FHIT: variants seen among roughly 807,000 people sequenced by gnomAD.
The protein encoded by FHIT is bis(5'-adenosyl)-triphosphatase.
A neutral mutation model predicts 17.9 loss-of-function variants in FHIT; 19 were observed. That is an observed-to-expected ratio of 1.06 (90% confidence interval 0.74 to 1.56). The LOEUF (loss-of-function observed/expected upper bound fraction) is 1.56. Among genes scored for constraint, FHIT ranks in the 40% most tolerant of loss-of-function variants. The pLI, the probability that FHIT is intolerant of heterozygous loss-of-function variation, is 0.00. For synonymous variants in FHIT, 81 were observed against 69.7 expected (o/e 1.16, Z -0.81); for missense variants, 248 against 189.2 (o/e 1.31, Z -1.82).
At chr3:60,070,853 T>A (rs1702737688) in intron 5 of FHIT, among the ~76,000 whole-genome samples, 1 of 152,236 alleles carries the variant, frequency 6.6e-6, no homozygotes, top group Non-Finnish European at 1.5e-5. Context: ...ATGGCATTTG[T>A]CTTACCTTTA....
intron 5 of FHIT, among the ~76,000 whole-genome samples, chr3:60,429,343 G>A (rs1702790936): frequency 1.3e-5 from 2 of 151,984 alleles, no homozygotes; most frequent in African/African-American, 4.8e-5. Context: ...ATTTGAGTAA[G>A]ACATTAAAAA....
At chr3:59,867,934 T>A (rs1239087738) in intron 8 of FHIT, among the ~76,000 whole-genome samples, 1 of 151,194 alleles carries the variant, frequency 6.6e-6, no homozygotes, top group East Asian at 2.0e-4. Flanking sequence ...CGGACCAAGG[T>A]TATACACAGA....
At chr3:60,374,863 C>T (rs1413803880) in intron 5 of FHIT, among the ~76,000 whole-genome samples, 4 of 151,708 alleles carry the variant, frequency 2.6e-5, no homozygotes, top group Non-Finnish European at 5.9e-5. Flanking sequence ...CTGAACCAGC[C>T]CTTGCAGTTT....
chr3:60,983,099 T>C (rs1160366763), intron 3 of FHIT, among the ~76,000 whole-genome samples: 1 of 151,832 alleles, frequency 6.6e-6, no homozygotes, highest in East Asian at 1.9e-4. Context: ...TAACCTCTGA[T>C]GGCTCCTTTT....
At chr3:61,132,480 A>G (rs1014489386) in intron 2 of FHIT, among the ~76,000 whole-genome samples, 4 of 152,246 alleles carry the variant, frequency 2.6e-5, no homozygotes, top group Non-Finnish European at 5.9e-5. Flanking sequence ...CTAAGTTAAT[A>G]TAAGGCAAAT....
chr3:60,974,437 A>G (rs1291773492), intron 3 of FHIT, among the ~76,000 whole-genome samples: 1 of 152,128 alleles, frequency 6.6e-6, no homozygotes, highest in East Asian at 1.9e-4. Flanking sequence ...CTGGAAAGAG[A>G]ATTGCTGCTG....
At chr3:60,950,353 T>C (rs1708823400) in intron 3 of FHIT, among the ~76,000 whole-genome samples, 2 of 152,230 alleles carry the variant, frequency 1.3e-5, no homozygotes, top group Admixed American at 6.5e-5. Context: ...TTGTATACCA[T>C]TGGTTTGACA....
intron 8 of FHIT, among the ~76,000 whole-genome samples, chr3:59,823,550 A>C (rs1041986705): frequency 5.9e-5 from 9 of 152,158 alleles, no homozygotes; most frequent in African/African-American, 2.2e-4. Context: ...TCACATACAC[A>C]AGTCAATAAA....
chr3:60,888,854 C>T (rs1217928569), intron 3 of FHIT, among the ~76,000 whole-genome samples: 1 of 152,094 alleles, frequency 6.6e-6, no homozygotes, highest in Non-Finnish European at 1.5e-5. Flanking sequence ...CTTTTGTATC[C>T]ATCACCCAGT....
chr3:60,945,162 T>C (rs139258902), intron 3 of FHIT, among the ~76,000 whole-genome samples: 2 of 151,712 alleles, frequency 1.3e-5, no homozygotes, highest in Non-Finnish European at 1.5e-5. Context: ...GACACCTAAG[T>C]GCAACAGGAG....
chr3:60,248,528 T>C (rs1201289486), intron 5 of FHIT, among the ~76,000 whole-genome samples: 1 of 152,144 alleles, frequency 6.6e-6, no homozygotes, highest in Non-Finnish European at 1.5e-5. Flanking sequence ...ACCATGGAAA[T>C]GACATTTCGT....
Position 60,860,426 on chromosome 3 carries a change from A to G in FHIT, c.-110-38415T>C, listed in dbSNP as rs1392294869. Reference sequence around the variant, plus strand: ...ATGACATACATCATATGTATATATGATACATATATATCATGTATATATGAT... The same window carrying G: ...ATGACATACATCATATGTATATATGGTACATATATATCATGTATATATGAT... On this transcript the variant is annotated intron_variant, in intron 3 of 9. Transcript: ENST00000492590. Among the ~76,000 whole-genome samples the G allele has an allele frequency of 1.5e-5, 2 of 132,512 alleles. 1 individual carries two copies. Among genetic ancestry groups the G allele is most frequent in the Non-Finnish European group, 3.3e-5 (2 of 59,976 alleles). The allele number at this position is 132,512 out of a possible 152,430, so 86.9% of individuals were successfully genotyped here. A position where few individuals can be genotyped will look rare whatever the true frequency, so the allele number is the denominator to read the frequency against.
At position 60,772,332 on chromosome 3, in the gene FHIT, A is replaced by C. The variant is rs1281046107; in HGVS notation, c.-18+49587T>G. Among the ~76,000 whole-genome samples, 88 of 29,736 alleles carry C rather than the reference A, an allele frequency of 3.0e-3. 2 individuals carry two copies. In the African/African-American group the frequency reaches 0.032, roughly 11 times the overall value. The allele number at this position is 29,736 out of a possible 152,430, so 19.5% of individuals were successfully genotyped here. A position where few individuals can be genotyped will look rare whatever the true frequency, so the allele number is the denominator to read the frequency against. On this transcript the variant is annotated intron_variant, in intron 4 of 9. Transcript: ENST00000492590. ...TTCTCATCTATATATATATATATAT[A>C]TATATATATATATATATATATATTT...
rs73841810 is a variant in FHIT, at chr3:59,915,140, C to A, written c.348+7206G>T. Reference sequence around the variant, plus strand: ...ATGGACTCCAGCAACAAGGACACCTCGGAGGAGGCATTTTCCTCCTTCACC... The same window carrying A: ...ATGGACTCCAGCAACAAGGACACCTAGGAGGAGGCATTTTCCTCCTTCACC... On this transcript the variant is annotated intron_variant, in intron 8 of 9. Coordinates refer to ENST00000492590, the MANE Select transcript of FHIT (RefSeq NM_002012.4). Among the ~76,000 whole-genome samples the A allele has an allele frequency of 6.4e-3, 968 of 152,210 alleles. 13 individuals are homozygous for A. The highest frequency in any genetic ancestry group is 0.022 in the African/African-American group (924 of 41,520).
chr3:60,401,410 G>T (rs1701652148), intron 5 of FHIT, among the ~76,000 whole-genome samples: 1 of 152,084 alleles, frequency 6.6e-6, no homozygotes, highest in Non-Finnish European at 1.5e-5. Context: ...GTTAGGTTCG[G>T]CCAGTGAGAA....
chr3:60,482,186 C>T (rs1365539771), intron 5 of FHIT, among the ~76,000 whole-genome samples: 1 of 152,108 alleles, frequency 6.6e-6, no homozygotes, highest in Non-Finnish European at 1.5e-5. Flanking sequence ...CAAGTTCTTA[C>T]AGACCTACAA....
At chr3:60,253,333 T>G (rs145626535) in intron 5 of FHIT, among the ~76,000 whole-genome samples, 396 of 152,318 alleles carry the variant, frequency 2.6e-3, no homozygotes, top group Non-Finnish European at 4.7e-3. Flanking sequence ...TGGAAAGTAT[T>G]CTGGCATGTT....
At chr3:61,208,873 T>C (rs1027978895) in intron 1 of FHIT, among the ~76,000 whole-genome samples, 8 of 152,048 alleles carry the variant, frequency 5.3e-5, no homozygotes, top group African/African-American at 1.2e-4. Context: ...TGTTAGCTGG[T>C]TATTTCGCTC....
chr3:60,030,757 T>C (rs1456778063), intron 5 of FHIT, among the ~76,000 whole-genome samples: 1 of 152,134 alleles, frequency 6.6e-6, no homozygotes, highest in Non-Finnish European at 1.5e-5. Flanking sequence ...GGATGGTAGA[T>C]GACTGGGTGG....
Sources: gnomAD v4.1 joint callset for allele counts (sites outside exome capture counted in the v4.1 genomes callset) on GRCh38, gnomAD v4.1.1 for gene constraint, MANE v1.5 for transcripts, NCBI Gene and HGNC (gene_info 2026-07-23, HGNC 2026-07-21) for gene names.